VPS13B: variants seen among roughly 807,000 people sequenced by gnomAD.
VPS13B encodes vacuolar protein sorting 13 homolog B.
In VPS13B, 285 loss-of-function variants were observed where a neutral mutation model predicts 426.4. The observed-to-expected ratio is 0.67, with a 90% CI of 0.61 to 0.74. VPS13B has a LOEUF of 0.74. Ranked by LOEUF, VPS13B falls within the 30% of genes least tolerant of loss-of-function variation. The pLI is 0.00. For missense variants in VPS13B, 4,537 were observed against 4,782.6 expected (o/e 0.95, Z 1.51); for synonymous variants, 1,676 against 1,676.4 (o/e 1.00, Z 0.01).
At chr8:99,869,384 A>AAAAC (rs753271779) in intron 59 of VPS13B, among the ~76,000 whole-genome samples, 7 of 152,162 alleles carry the variant, frequency 4.6e-5, no homozygotes, top group Non-Finnish European at 8.8e-5. Context: ...TCGGGGCATA[A>AAAAC]AAACAAACAG....
intron 36 of VPS13B, among the ~76,000 whole-genome samples, chr8:99,701,954 A>G (rs1442893173): frequency 6.6e-6 from 1 of 152,164 alleles, no homozygotes; most frequent in Non-Finnish European, 1.5e-5. Flanking sequence ...AGATTGCCAC[A>G]TATTTTTTTC....
intron 54 of VPS13B, among the ~76,000 whole-genome samples, chr8:99,844,453 C>T (rs964205299): frequency 1.9e-4 from 29 of 151,644 alleles, no homozygotes; most frequent in African/African-American, 4.1e-4. Flanking sequence ...CTGCAACCTC[C>T]GCCTCCCGGG....
intron 39 of VPS13B, among the ~76,000 whole-genome samples, chr8:99,764,344 A>G (rs1275844688): frequency 1.3e-5 from 2 of 150,394 alleles, no homozygotes; most frequent in African/African-American, 4.9e-5. Context: ...ATTAACCCAC[A>G]TGTTCTCATC....
intron 33 of VPS13B, among the ~76,000 whole-genome samples, chr8:99,601,703 G>A (rs1029893185): frequency 1.3e-5 from 2 of 152,180 alleles, no homozygotes; most frequent in Non-Finnish European, 1.5e-5. Flanking sequence ...TAACTGGCCT[G>A]AGATGATATC....
chr8:99,830,022 G>A lies in VPS13B; in HGVS notation c.9331-2347G>A, dbSNP rs574783881. ...GATGCCAGTTGGAGCTCTCCTGTAT[G>A]AGGTGTCTGTCAACCCCTGCTGGGA... On this transcript the variant is annotated intron_variant, in intron 51 of 61. Coordinates refer to ENST00000357162, the MANE Select transcript of VPS13B (RefSeq NM_152564.5). 2.1e-4 allele frequency among the ~76,000 whole-genome samples: 32 copies of A among 152,322 alleles called. 1 individual carries two copies. The South Asian group carries it at 3.7e-3, about 18-fold the overall frequency.
At chr8:99,493,153 A>G (rs904174994) in intron 25 of VPS13B, among the ~76,000 whole-genome samples, 2 of 152,194 alleles carry the variant, frequency 1.3e-5, no homozygotes, top group Non-Finnish European at 2.9e-5. Flanking sequence ...TGAGGTTGCT[A>G]ATTGTTTAGG....
chr8:99,202,592 A>T (rs1056749392), intron 17 of VPS13B, among the ~76,000 whole-genome samples: 1 of 152,216 alleles, frequency 6.6e-6, no homozygotes, highest in East Asian at 1.9e-4. Context: ...GACCAGATGG[A>T]TTCACAGCTG....
At chr8:99,482,554 A>G (rs1160620627) in intron 25 of VPS13B, among the ~76,000 whole-genome samples, 1 of 152,174 alleles carries the variant, frequency 6.6e-6, no homozygotes, top group Non-Finnish European at 1.5e-5. Context: ...GATGGCTGCA[A>G]ATAGACTTGT....
At position 99,498,039 on chromosome 8, in the gene VPS13B, A is replaced by T. The variant is rs796603346; in HGVS notation, c.3871-3648A>T. On this transcript the variant is annotated intron_variant, in intron 25 of 61. Transcript: ENST00000357162. ...ATTGTTTAGCCATCACATACCATTC[A>T]ACACAATATTTTGTGTATGAAGCCT... Among the ~76,000 whole-genome samples the T allele has an allele frequency of 5.3e-5, 8 of 152,244 alleles. 1 individual carries two copies. The highest frequency in any genetic ancestry group is 1.9e-4 in the African/African-American group (8 of 41,584).
In VPS13B at chr8:99,868,455, G is replaced by A; in HGVS notation, c.11382G>A (p.Gln3794=). 6.2e-7 allele frequency: 1 copy of A among 1,611,986 alleles called. No individual in the cohort carries two copies. Among genetic ancestry groups the A allele is most frequent in the Non-Finnish European group, 8.5e-7 (1 of 1,179,140 alleles). The change falls in exon 59 of 62, where the codon CAG becomes CAA. Residue 3794 remains glutamine (Q), a synonymous_variant. Transcript: ENST00000357162. ...PIGGAAELVS[Q]TGYGILHGAG... is the part of the protein sequence containing the mutation. ...GAGGAGCTGCTGAGCTGGTGTCACA[G>A]ACTGGCTATGGTAAGTCGGTGGAAA...
chr8:99,187,198 ATGT>A (rs1342129815), intron 16 of VPS13B, among the ~76,000 whole-genome samples: 6 of 151,858 alleles, frequency 4.0e-5, no homozygotes, highest in Non-Finnish European at 5.9e-5. Context: ...CACTAATAAA[ATGT>A]TGTGGGTTTT....
chr8:99,536,625 C>T (rs1368282628), intron 30 of VPS13B: 1 of 534,024 alleles, frequency 1.9e-6, no homozygotes, highest in Admixed American at 1.9e-5. Flanking sequence ...TATCCTTTAA[C>T]TGAATTGACT....
chr8:99,301,299 C>CTT (rs772725181), intron 19 of VPS13B, among the ~76,000 whole-genome samples: 25 of 141,746 alleles, frequency 1.8e-4, no homozygotes, highest in African/African-American at 5.9e-4. Flanking sequence ...TTCTTTCTTT[C>CTT]TTTTTTTTTT....
intron 19 of VPS13B, among the ~76,000 whole-genome samples, chr8:99,322,372 T>G (rs1389401871): frequency 1.3e-5 from 2 of 152,196 alleles, no homozygotes; most frequent in Non-Finnish European, 2.9e-5. Context: ...GCTAGTACTT[T>G]TTTTCCTGAG....
chr8:99,119,380 G>A (rs1321527988), intron 7 of VPS13B: 1 of 152,444 alleles, frequency 6.6e-6, no homozygotes, highest in East Asian at 1.9e-4. Context: ...GGCTGGGTGG[G>A]ACTACAGGTG....
chr8:99,392,625 T>A (rs183977694), intron 21 of VPS13B, among the ~76,000 whole-genome samples: 13 of 152,230 alleles, frequency 8.5e-5, no homozygotes, highest in Admixed American at 2.6e-4. Flanking sequence ...TTAAAGAATT[T>A]AAAATATAAT....
At chr8:99,468,934 A>G (rs1347202818) in intron 24 of VPS13B, among the ~76,000 whole-genome samples, 2 of 151,960 alleles carry the variant, frequency 1.3e-5, no homozygotes, top group Non-Finnish European at 2.9e-5. Context: ...TTTTGAAACC[A>G]TCCTCATCCT....
chr8:99,328,004 G>C (rs1329543180), intron 19 of VPS13B, among the ~76,000 whole-genome samples: 2 of 152,192 alleles, frequency 1.3e-5, no homozygotes, highest in Admixed American at 6.6e-5. Context: ...CGATCTGTTG[G>C]CCATAGGCCA....
intron 42 of VPS13B, among the ~76,000 whole-genome samples, chr8:99,781,457 A>T (rs1225072785): frequency 6.6e-6 from 1 of 152,206 alleles, no homozygotes. Context: ...CCAAGTGAGC[A>T]TTCTGAGGCT....
Sources: allele counts gnomAD v4.1 joint callset (sites outside exome capture counted in the v4.1 genomes callset), GRCh38; gene constraint gnomAD v4.1.1; transcripts MANE v1.5; gene names NCBI Gene and HGNC (gene_info 2026-07-23, HGNC 2026-07-21).